ZDHHC20: variants seen among roughly 807,000 people sequenced by gnomAD.
The protein encoded by ZDHHC20 is palmitoyltransferase ZDHHC20.
Under a neutral mutation model 57.8 loss-of-function variants are expected in ZDHHC20, and 43 were observed. The observed-to-expected ratio is 0.74, with a 90% CI of 0.58 to 0.96. The LOEUF (loss-of-function observed/expected upper bound fraction) is 0.96, where lower values mean the gene tolerates loss of function less well. Ranked by LOEUF, ZDHHC20 falls within the 40% of genes least tolerant of loss-of-function variation. ZDHHC20 has a pLI of 0.00. For synonymous variants in ZDHHC20, 157 were observed against 153.0 expected (o/e 1.03, Z -0.19); for missense variants, 391 against 441.1 (o/e 0.89, Z 1.02).
chr13:21,425,161 C>G (rs748206888), intron 2 of ZDHHC20, among the ~76,000 whole-genome samples: 2 of 152,054 alleles, frequency 1.3e-5, no homozygotes, highest in African/African-American at 2.4e-5. Context: ...GTTATAAAAA[C>G]TTTAGCTTCC....
chr13:21,433,353 C>G (rs964901999), intron 1 of ZDHHC20, among the ~76,000 whole-genome samples: 60 of 152,220 alleles, frequency 3.9e-4, no homozygotes, highest in African/African-American at 1.3e-3. Flanking sequence ...CATGGTGGCT[C>G]ATGCCTGTAA....
Position 21,413,226 on chromosome 13 carries a change from T to C in ZDHHC20, c.370+426A>G, listed in dbSNP as rs998933178. The stretch of plus-strand genomic sequence containing the variant: ...AGCCTGACTCTCAGAATATTAGCCT[T>C]ATACATCTGAACAAGTTTCTTCCTA... On this transcript the variant is annotated intron_variant, in intron 4 of 12. Transcript: ENST00000400590. 3.9e-5 allele frequency among the ~76,000 whole-genome samples: 6 copies of C among 152,046 alleles called. No individual in the cohort carries two copies. The South Asian group carries it at 1.2e-3, about 32-fold the overall frequency.
intron 9 of ZDHHC20, among the ~76,000 whole-genome samples, chr13:21,384,580 C>A (rs148760396): frequency 1.7e-4 from 26 of 151,754 alleles, no homozygotes; most frequent in African/African-American, 6.3e-4. Context: ...TACCTGAAGT[C>A]TTTTGATAAA....
chr13:21,391,864 A>G lies in ZDHHC20; in HGVS notation c.595-10T>C, dbSNP rs1332191058. On this transcript the variant is annotated splice_polypyrimidine_tract_variant and intron_variant, in intron 7 of 12. Coordinates refer to ENST00000400590, the MANE Select transcript of ZDHHC20 (RefSeq NM_001330059.2). ...TATCTGTCAGTTCATTCTGAGGAAA[A>G]AAAGAAGTTAATTTTGAGGTCAACC... 2 of 1,605,044 alleles carry G rather than the reference A, an allele frequency of 1.2e-6. No individual in the cohort carries two copies.
chr13:21,392,747 A>C (rs1312396568), intron 7 of ZDHHC20, among the ~76,000 whole-genome samples: 1 of 152,234 alleles, frequency 6.6e-6, no homozygotes, highest in Admixed American at 6.5e-5. Context: ...GCTTGATTTA[A>C]AAAGTATTAC....
intron 3 of ZDHHC20, among the ~76,000 whole-genome samples, chr13:21,415,051 T>C (rs1476595644): frequency 2.6e-5 from 4 of 152,168 alleles, no homozygotes; most frequent in African/African-American, 9.7e-5. Flanking sequence ...AGTTGCTAAC[T>C]CAAATACCAA....
At chr13:21,381,376 A>C in intron 11 of ZDHHC20, 58 bp downstream of exon 11, 1 of 1,285,214 alleles carries the variant, frequency 7.8e-7, no homozygotes, top group Non-Finnish European at 1.1e-6. Flanking sequence ...CACATGTATT[A>C]TATCTGGTGC....
chr13:21,386,349 G>C (rs986853582), intron 9 of ZDHHC20, among the ~76,000 whole-genome samples: 3 of 152,012 alleles, frequency 2.0e-5, no homozygotes, highest in Admixed American at 6.5e-5. Flanking sequence ...TAAAACCAGA[G>C]ATCCAAAAAG....
Position 21,391,706 on chromosome 13 carries a change from A to AT in ZDHHC20, c.727+15dup. The stretch of plus-strand genomic sequence containing the variant: ...TCATTGTCCTAAGTAATTATAATTT[A>AT]TTTTAACCTACTTACCTATTGTTGT... On this transcript the variant is annotated intron_variant, in intron 8 of 12. Coordinates refer to ENST00000400590, the MANE Select transcript of ZDHHC20 (RefSeq NM_001330059.2). 6.3e-7 allele frequency: 1 copy of AT among 1,592,154 alleles called. No homozygotes were observed. The highest frequency in any genetic ancestry group is 8.5e-7 in the Non-Finnish European group (1 of 1,174,194).
rs188141345 is a variant in ZDHHC20 at position 21,421,909 on chromosome 13, C to T, written c.146-745G>A. 9.2e-5 allele frequency among the ~76,000 whole-genome samples: 14 copies of T among 152,228 alleles called. No homozygotes were observed. In the East Asian group the frequency reaches 2.1e-3, roughly 23 times the overall value. ...ATTCAGACAAGTCTGAAATTCTACTCATTTTTAAAGTTTAGATAAAATGCT... is the reference window on the plus strand; with the variant it reads ...ATTCAGACAAGTCTGAAATTCTACTTATTTTTAAAGTTTAGATAAAATGCT... On this transcript the variant is annotated intron_variant, in intron 2 of 12. Transcript: ENST00000400590.
At chr13:21,398,518 C>T (rs1877160730) in intron 7 of ZDHHC20, among the ~76,000 whole-genome samples, 1 of 151,818 alleles carries the variant, frequency 6.6e-6, no homozygotes, top group African/African-American at 2.4e-5. Flanking sequence ...AATATTCATG[C>T]TCTCATGGAG....
chr13:21,380,208 C>T (rs146766261), intron 11 of ZDHHC20, among the ~76,000 whole-genome samples: 24,001 of 146,932 alleles, frequency 0.16, 2,564 homozygotes, highest in Non-Finnish European at 0.25. Context: ...CTCCGCCTCC[C>T]GGGTTCAAGC....
chr13:21,446,969 T>C (rs909637114), intron 1 of ZDHHC20, among the ~76,000 whole-genome samples: 15 of 152,056 alleles, frequency 9.9e-5, no homozygotes, highest in African/African-American at 3.4e-4. Flanking sequence ...TTTAGATATC[T>C]TGCTGAGCAA....
In ZDHHC20 at chr13:21,383,076, C is replaced by T. The variant is rs1420716678; in HGVS notation, c.855-67G>A. ...TAAATCAAAATGGTCAAATTTAACACTCATTTTTCAGAGACATGGCATACA... is the reference window on the plus strand; with the variant it reads ...TAAATCAAAATGGTCAAATTTAACATTCATTTTTCAGAGACATGGCATACA... On this transcript the variant is annotated intron_variant, in intron 9 of 12. Coordinates refer to ENST00000400590, the MANE Select transcript of ZDHHC20 (RefSeq NM_001330059.2). The T allele has an allele frequency of 2.7e-5, 37 of 1,372,570 alleles. 1 individual carries two copies. The South Asian group carries it at 4.5e-4, about 17-fold the overall frequency. The allele number at this position is 1,372,570 out of a possible 1,614,324, so 85.0% of individuals were successfully genotyped here.
intron 4 of ZDHHC20, 91 bp from the exon 5 acceptor site, chr13:21,402,957 T>C (rs1877916252): frequency 2.1e-6 from 2 of 933,044 alleles, no homozygotes; most frequent in Admixed American, 2.3e-5. Flanking sequence ...AAAATAACTC[T>C]GGGTAATTGA....
intron 1 of ZDHHC20, among the ~76,000 whole-genome samples, chr13:21,426,880 T>C (rs1881324470): frequency 6.6e-6 from 1 of 152,228 alleles, no homozygotes; most frequent in Non-Finnish European, 1.5e-5. Context: ...AGTGTTGGAA[T>C]TACAGGCATG....
chr13:21,414,951 T>A (rs1879772031), intron 3 of ZDHHC20, among the ~76,000 whole-genome samples: 1 of 152,166 alleles, frequency 6.6e-6, no homozygotes, highest in African/African-American at 2.4e-5. Context: ...ATTTTAATAA[T>A]ACAATTCCTC....
chr13:21,459,270 G>T lies in ZDHHC20; in HGVS notation c.-99C>A. The T allele has an allele frequency of 2.3e-6, 2 of 882,924 alleles. No homozygotes were observed. Among genetic ancestry groups the T allele is most frequent in the Non-Finnish European group, 3.3e-6 (2 of 605,062 alleles). 54.7% of individuals were successfully genotyped at this position (882,924 alleles called of 1,614,324 possible). A position where few individuals can be genotyped will look rare whatever the true frequency, so the allele number is the denominator to read the frequency against. On this transcript the variant is annotated 5_prime_UTR_variant, in exon 1 of 13. It adds an upstream start codon to the 5' untranslated region. Coordinates refer to ENST00000400590, the MANE Select transcript of ZDHHC20 (RefSeq NM_001330059.2). ...GACGCTCCAGGCGGCTGCTGGTCCA[G>T]CTCCCCCGCCTCCGAGGCAGGACTT... is the stretch of plus-strand genomic sequence containing the variant.
chr13:21,456,596 T>C (rs917551107), intron 1 of ZDHHC20, among the ~76,000 whole-genome samples: 4 of 152,206 alleles, frequency 2.6e-5, no homozygotes. Context: ...AGTTTTAATA[T>C]GAGTAAATGC....
Sources: allele counts gnomAD v4.1 joint callset (sites outside exome capture counted in the v4.1 genomes callset), GRCh38; gene constraint gnomAD v4.1.1; transcripts MANE v1.5; gene names NCBI Gene and HGNC (gene_info 2026-07-23, HGNC 2026-07-21).